Variants in TOR1AIP1 observed in about 807,000 individuals in gnomAD.
The protein encoded by TOR1AIP1 is torsin 1A interacting protein 1.
In TOR1AIP1, 54 loss-of-function variants were observed where a neutral mutation model predicts 63.3. The observed-to-expected ratio is 0.85, with a 90% CI of 0.69 to 1.07. The LOEUF is 1.07. TOR1AIP1 is among the 50% of genes least tolerant of loss of function. The pLI is 0.00. For synonymous variants in TOR1AIP1, 294 were observed against 273.5 expected (o/e 1.07, Z -0.74); for missense variants, 736 against 715.0 (o/e 1.03, Z -0.33).
chr1:179,911,010 T>C (rs1180418635), intron 8 of TOR1AIP1, among the ~76,000 whole-genome samples: 1 of 152,234 alleles, frequency 6.6e-6, no homozygotes, highest in Non-Finnish European at 1.5e-5. Context: ...TTCTACTTTG[T>C]CTTAAGTTAC....
chr1:179,911,105 T>C (rs527808430), intron 8 of TOR1AIP1, among the ~76,000 whole-genome samples: 59 of 152,348 alleles, frequency 3.9e-4, no homozygotes, highest in African/African-American at 1.3e-3. Flanking sequence ...TTCAGAGTTA[T>C]GTAACAGTAA....
At chr1:179,891,220 T>TTTTTTG (rs1474859154) in intron 3 of TOR1AIP1, among the ~76,000 whole-genome samples, 1 of 152,092 alleles carries the variant, frequency 6.6e-6, no homozygotes, top group African/African-American at 2.4e-5. Flanking sequence ...TCTTGATTTA[T>TTTTTTG]TTTTTGTTTT....
intron 8 of TOR1AIP1, among the ~76,000 whole-genome samples, chr1:179,910,183 GTTAAATCTCGACCATATTTTT>G (rs1648786686): frequency 6.6e-6 from 1 of 152,144 alleles, no homozygotes; most frequent in Non-Finnish European, 1.5e-5. Context: ...ATGCGTCCAC[GTTAAATCTCGACCATATTTTT>G]TTAAAGTCCA....
Position 179,916,922 on chromosome 1 carries a change from C to T in TOR1AIP1, c.965-530C>T, listed in dbSNP as rs145021610. ...TTTCACAGTCTCGATCTCCTGACCTCGTGATCCTCCCTCCTCGGCCTCCCA... is the reference window on the plus strand; with the variant it reads ...TTTCACAGTCTCGATCTCCTGACCTTGTGATCCTCCCTCCTCGGCCTCCCA... On this transcript the variant is annotated intron_variant, in intron 9 of 9. Transcript: ENST00000606911. 8.9e-3 allele frequency among the ~76,000 whole-genome samples: 1,346 copies of T among 151,854 alleles called. 10 individuals carry two copies. Among genetic ancestry groups the T allele is most frequent in the Non-Finnish European group, 0.016 (1,063 of 67,930 alleles).
rs374443772 is a variant in TOR1AIP1 at position 179,889,376 on chromosome 1, G to T, written c.610+7G>T. 75 of 1,602,534 alleles carry T rather than the reference G, an allele frequency of 4.7e-5. No individual in the cohort carries two copies. Among genetic ancestry groups the T allele is most frequent in the Non-Finnish European group, 5.1e-5 (60 of 1,171,890 alleles). On this transcript the variant is annotated splice_region_variant and intron_variant, in intron 3 of 9. Transcript: ENST00000606911. Reference sequence around the variant, plus strand: ...CTAAGATACCCAAGATATGGTAAGAGATTGTTTGTCTGTTGGTTTACCTTT... The same window carrying T: ...CTAAGATACCCAAGATATGGTAAGATATTGTTTGTCTGTTGGTTTACCTTT...
intron 9 of TOR1AIP1, among the ~76,000 whole-genome samples, chr1:179,915,299 A>G (rs1354574351): frequency 6.6e-6 from 1 of 152,226 alleles, no homozygotes; most frequent in Non-Finnish European, 1.5e-5. Context: ...CTATTACATT[A>G]AAAGTCATTG....
intron 3 of TOR1AIP1, among the ~76,000 whole-genome samples, chr1:179,891,802 G>A (rs574338242): frequency 2.6e-4 from 39 of 152,204 alleles, no homozygotes; most frequent in African/African-American, 7.2e-4. Flanking sequence ...CTGACCTCAA[G>A]CAATCCACCT....
rs762074035 is a variant in TOR1AIP1, at chr1:179,882,853, G to A, written c.351G>A (p.Gln117=). ...RSRQRRQPRP[Q]ETEEMKTRRT... is the part of the protein sequence containing the mutation. The stretch of plus-strand genomic sequence containing the variant: ...GGCAGCGGAGGCAGCCGCGACCCCA[G>A]GAAACCGAGGAAATGAAGACGCGAA... Residue 117 remains glutamine, a synonymous_variant, in exon 1 of 10, where the codon CAG becomes CAA. Coordinates refer to ENST00000606911, the MANE Select transcript of TOR1AIP1 (RefSeq NM_015602.4). 8.1e-6 allele frequency: 13 copies of A among 1,614,106 alleles called. No individual in the cohort carries two copies. Among genetic ancestry groups the A allele is most frequent in the Non-Finnish European group, 1.1e-5 (13 of 1,180,044 alleles).
At chr1:179,893,463 CAG>C (rs1170845791) in intron 3 of TOR1AIP1, among the ~76,000 whole-genome samples, 4 of 152,046 alleles carry the variant, frequency 2.6e-5, no homozygotes, top group African/African-American at 7.2e-5. Flanking sequence ...TTTTTTGAGA[CAG>C]AGTCTCAATC....
At chr1:179,884,959 A>G (rs563015366) in intron 2 of TOR1AIP1, among the ~76,000 whole-genome samples, 190 bp downstream of exon 2, 12 of 152,368 alleles carry the variant, frequency 7.9e-5, no homozygotes, top group Non-Finnish European at 1.6e-4. Context: ...ACTGAAACAC[A>G]GAGAAGCTAA....
chr1:179,908,521 G>T, intron 7 of TOR1AIP1, 84 bp from the exon 8 acceptor site: 1 of 1,108,330 alleles, frequency 9.0e-7, no homozygotes, highest in South Asian at 1.4e-5. Flanking sequence ...TTGTCTTTCT[G>T]ATAGATTAAT....
intron 6 of TOR1AIP1, 111 bp downstream of exon 6, chr1:179,904,133 T>C (rs1201369530): frequency 5.1e-6 from 4 of 780,248 alleles, no homozygotes; most frequent in Non-Finnish European, 5.9e-6. Flanking sequence ...AGAGGAATAA[T>C]GAATGCTAAA....
chr1:179,893,927 TAA>T (rs986882404), intron 3 of TOR1AIP1, among the ~76,000 whole-genome samples: 1 of 152,090 alleles, frequency 6.6e-6, no homozygotes, highest in South Asian at 2.1e-4. Flanking sequence ...TAGTCCTTTA[TAA>T]AAAAAGTTTG....
intron 6 of TOR1AIP1, among the ~76,000 whole-genome samples, chr1:179,905,968 C>T (rs924696354): frequency 6.6e-6 from 1 of 151,896 alleles, no homozygotes; most frequent in African/African-American, 2.4e-5. Context: ...AAAAGAAATA[C>T]TATTTAGAAA....
rs900977276 is a variant in TOR1AIP1, at chr1:179,901,389, G to A, written c.739+1G>A. On this transcript the variant is annotated splice_donor_variant, in intron 5 of 9. Transcript: ENST00000606911. LOFTEE classifies it high-confidence loss of function. Reference sequence around the variant, plus strand: ...TCCAGGGATTCTGATGAATCTGGAGGTAATATTGCTTTATATACATATGAC... The same window carrying A: ...TCCAGGGATTCTGATGAATCTGGAGATAATATTGCTTTATATACATATGAC... The A allele has an allele frequency of 1.9e-6, 3 of 1,591,334 alleles. No individual in the cohort carries two copies. The highest frequency in any genetic ancestry group is 2.6e-6 in the Non-Finnish European group (3 of 1,163,924).
chr1:179,893,521 A>G (rs1390534667), intron 3 of TOR1AIP1, among the ~76,000 whole-genome samples: 3 of 151,434 alleles, frequency 2.0e-5, no homozygotes, highest in Admixed American at 6.6e-5. Flanking sequence ...GCTCACTGCA[A>G]CCTCCACCTC....
At chr1:179,884,991 A>G (rs1388291094) in intron 2 of TOR1AIP1, among the ~76,000 whole-genome samples, 1 of 152,202 alleles carries the variant, frequency 6.6e-6, no homozygotes, top group Non-Finnish European at 1.5e-5. Context: ...AAGATCACAT[A>G]TGTGACTGAG....
In TOR1AIP1 at chr1:179,901,365, C is replaced by T. The variant is rs1400553379; in HGVS notation, c.716C>T (p.Ser239Phe). 1 of 1,606,266 alleles carries T rather than the reference C, an allele frequency of 6.2e-7. No individual in the cohort carries two copies. Among genetic ancestry groups the T allele is most frequent in the South Asian group, 1.1e-5 (1 of 89,780 alleles). The change falls in exon 5 of 10, where the codon TCC becomes TTC. Residue 239 changes from serine to phenylalanine, a missense_variant. Around this residue, in one of 2 missense-constraint regions of TOR1AIP1, gnomAD observed 464 missense variants for 371.0 expected, o/e 1.25. Coordinates refer to ENST00000606911, the MANE Select transcript of TOR1AIP1 (RefSeq NM_015602.4). ...HSSVTTVKAR[S>F]RDSDESGDKT... ...AGTGTCACTACTGTTAAGGCCAGAT[C>T]CAGGGATTCTGATGAATCTGGAGGT... is the stretch of plus-strand genomic sequence containing the variant.
At position 179,882,527 on chromosome 1, in the gene TOR1AIP1, G is replaced by A. The variant is rs1647735595; in HGVS notation, c.25G>A (p.Glu9Lys). 6.8e-7 allele frequency: 1 copy of A among 1,464,464 alleles called. No individual in the cohort carries two copies. The highest frequency in any genetic ancestry group is 9.0e-7 in the Non-Finnish European group (1 of 1,108,736). The allele number at this position is 1,464,464 out of a possible 1,614,324, so 90.7% of individuals were successfully genotyped here. The change falls in exon 1 of 10, where the codon GAG becomes AAG. Residue 9 changes from glutamate to lysine, a missense_variant. Around this residue, in one of 2 missense-constraint regions of TOR1AIP1, gnomAD observed 464 missense variants for 371.0 expected, o/e 1.25. Coordinates refer to ENST00000606911, the MANE Select transcript of TOR1AIP1 (RefSeq NM_015602.4). The stretch of plus-strand genomic sequence containing the variant: ...TATGGCGGGCGACGGGCGGCGGGCA[G>A]AGGCGGTGCGGGAAGGATGGGGTGT... MAGDGRRA[E>K]AVREGWGVYV...
Sources: gnomAD v4.1 joint callset for allele counts (sites outside exome capture counted in the v4.1 genomes callset) on GRCh38, gnomAD v4.1.1 for gene constraint, gnomAD v4.1.1 regional missense constraint, MANE v1.5 for transcripts, NCBI Gene and HGNC (gene_info 2026-07-23, HGNC 2026-07-21) for gene names.